Variants in ATG4C observed in about 807,000 individuals in gnomAD.
The protein encoded by ATG4C is autophagy related 4C cysteine peptidase, also known as cysteine protease ATG4C.
ATG4C carries 56 observed loss-of-function variants against 57.6 expected under a neutral mutation model. The observed-to-expected ratio is 0.97, with a 90% CI of 0.78 to 1.21. The LOEUF (loss-of-function observed/expected upper bound fraction) is 1.21. Ranked by LOEUF, ATG4C falls within the 50% of genes most tolerant of loss-of-function variation. ATG4C has a pLI of 0.00. For synonymous variants in ATG4C, 157 were observed against 174.1 expected (o/e 0.90, Z 0.78); for missense variants, 595 against 529.8 (o/e 1.12, Z -1.21).
At chr1:62,827,164 A>G (rs1217327252) in intron 6 of ATG4C, among the ~76,000 whole-genome samples, 2 of 152,094 alleles carry the variant, frequency 1.3e-5, no homozygotes, top group Admixed American at 1.3e-4. Flanking sequence ...GGTCTTTACA[A>G]TGGCTTTCAA....
intron 9 of ATG4C, among the ~76,000 whole-genome samples, chr1:62,837,600 G>A (rs2100341016): frequency 6.6e-6 from 1 of 152,204 alleles, no homozygotes; most frequent in East Asian, 1.9e-4. Context: ...AATTCCAAAT[G>A]TCAAATTTTA....
chr1:62,850,854 G>GTATGTATATATATA (rs1553230151), intron 10 of ATG4C, among the ~76,000 whole-genome samples: 1 of 84,118 alleles, frequency 1.2e-5, no homozygotes, highest in Non-Finnish European at 2.6e-5. Flanking sequence ...GTGTATGTAT[G>GTATGTATATATATA]TATATATATA....
At chr1:62,837,517 G>T (rs969442302) in intron 9 of ATG4C, among the ~76,000 whole-genome samples, 17 of 152,132 alleles carry the variant, frequency 1.1e-4, no homozygotes, top group African/African-American at 4.1e-4. Flanking sequence ...CCTCAAATGG[G>T]CTTTGGCAGT....
At chr1:62,848,638 G>A (rs1666399217) in intron 10 of ATG4C, among the ~76,000 whole-genome samples, 2 of 152,108 alleles carry the variant, frequency 1.3e-5, no homozygotes, top group Admixed American at 6.5e-5. Flanking sequence ...TGCCCCATTA[G>A]CCTTGAATAG....
chr1:62,815,065 A>G (rs539960972), intron 3 of ATG4C, among the ~76,000 whole-genome samples: 1 of 152,162 alleles, frequency 6.6e-6, no homozygotes, highest in Admixed American at 6.5e-5. Flanking sequence ...ACTCTTTCTC[A>G]AAAACTAAAA....
intron 10 of ATG4C, among the ~76,000 whole-genome samples, chr1:62,850,981 A>AT (rs1174997490): frequency 6.8e-6 from 1 of 147,906 alleles, no homozygotes; most frequent in African/African-American, 2.5e-5. Context: ...CAAGGGAAGG[A>AT]TTTTGTTGAT....
At chr1:62,818,424 A>G (rs1053690372) in intron 4 of ATG4C, among the ~76,000 whole-genome samples, 1 of 152,144 alleles carries the variant, frequency 6.6e-6, no homozygotes, top group African/African-American at 2.4e-5. Context: ...AAGCAGTCTG[A>G]TAATGAAATA....
In ATG4C at chr1:62,865,167, T is replaced by C. The variant is rs928681375; in HGVS notation, c.*1008T>C. The C allele has an allele frequency of 5.9e-5, 9 of 151,918 alleles. No homozygotes were observed. The highest frequency in any genetic ancestry group is 2.2e-4 in the African/African-American group (9 of 41,438). The allele number at this position is 151,918 out of a possible 1,614,324, so 9.4% of individuals were successfully genotyped here. The stretch of plus-strand genomic sequence containing the variant: ...TGTGAGAAGATAAAATGCTTTTGTT[T>C]TGGTTTTAATGTTGGGATTATTTTA... On this transcript the variant is annotated 3_prime_UTR_variant, in exon 11 of 11. Coordinates refer to ENST00000317868, the MANE Select transcript of ATG4C (RefSeq NM_032852.4).
chr1:62,830,708 T>A (rs886913459), intron 7 of ATG4C, among the ~76,000 whole-genome samples: 3 of 152,076 alleles, frequency 2.0e-5, no homozygotes, highest in African/African-American at 7.2e-5. Flanking sequence ...TTATTTATAT[T>A]TTTTTAAGGA....
At position 62,816,774 on chromosome 1, in the gene ATG4C, G is replaced by C. The variant is rs935199871; in HGVS notation, c.360G>C (p.Leu120Phe). Residue 120 changes from leucine (L) to phenylalanine (F), a missense_variant, in exon 4 of 11, where the codon TTG becomes TTC. Coordinates refer to ENST00000317868, the MANE Select transcript of ATG4C (RefSeq NM_032852.4). ...GCTLRTGQML[L>F]AQGLILHFLG... ...CATTGAGAACTGGCCAGATGCTCTT[G>C]GCTCAAGGACTCATACTACACTTTC... The C allele has an allele frequency of 6.2e-7, 1 of 1,609,130 alleles. No individual in the cohort carries two copies. The highest frequency in any genetic ancestry group is 1.7e-5 in the Admixed American group (1 of 59,436).
intron 6 of ATG4C, among the ~76,000 whole-genome samples, chr1:62,826,441 T>G (rs1403216008): frequency 6.7e-6 from 1 of 148,942 alleles, no homozygotes; most frequent in Non-Finnish European, 1.5e-5. Context: ...TTTCACCATG[T>G]AAGCCAGGAT....
intron 3 of ATG4C, among the ~76,000 whole-genome samples, chr1:62,811,301 A>G (rs182580643): frequency 1.6e-3 from 238 of 152,322 alleles, no homozygotes; most frequent in African/African-American, 5.5e-3. Flanking sequence ...TATTTTAACA[A>G]TGCTGAATCT....
intron 6 of ATG4C, among the ~76,000 whole-genome samples, chr1:62,822,981 C>G (rs906569011): frequency 7.2e-5 from 11 of 152,060 alleles, no homozygotes; most frequent in African/African-American, 2.7e-4. Context: ...ATGGTGAAAC[C>G]CTGTCACTAC....
chr1:62,804,233 C>T (rs990316096), intron 2 of ATG4C, among the ~76,000 whole-genome samples: 9 of 151,676 alleles, frequency 5.9e-5, no homozygotes, highest in Non-Finnish European at 1.0e-4. Context: ...ACTACAGGTG[C>T]GCACTACCAC....
intron 7 of ATG4C, 61 bp downstream of exon 7, chr1:62,829,237 G>T: frequency 6.4e-7 from 1 of 1,573,170 alleles, no homozygotes; most frequent in Admixed American, 1.9e-5. Context: ...AATATAGAAG[G>T]TTTGCAATTT....
chr1:62,803,788 TGGAGGCTACA>T lies in ATG4C; in HGVS notation c.6_15del (p.Ala3_?5). The T allele has an allele frequency of 6.3e-7, 1 of 1,599,236 alleles. No homozygotes were observed. Among genetic ancestry groups the T allele is most frequent in the Non-Finnish European group, 8.5e-7 (1 of 1,172,126 alleles). ...TGGCTTTTCCTTTAGAATTTGAATA[TGGAGGCTACA>T]GGAACAGATGAAGTTGACAAGCTAA... On this transcript the variant is annotated frameshift_variant and start_lost, in exon 2 of 11. Transcript: ENST00000317868. LOFTEE classifies it high-confidence loss of function.
intron 6 of ATG4C, among the ~76,000 whole-genome samples, chr1:62,822,230 A>G (rs2100322369): frequency 6.6e-6 from 1 of 152,286 alleles, no homozygotes; most frequent in Non-Finnish European, 1.5e-5. Flanking sequence ...ACTGATAACC[A>G]CCTAGTGTTT....
chr1:62,809,020 C>T (rs1222333495), intron 3 of ATG4C, among the ~76,000 whole-genome samples: 1 of 152,098 alleles, frequency 6.6e-6, no homozygotes, highest in African/African-American at 2.4e-5. Context: ...GCAGCCTTGA[C>T]CTCCCTGGGC....
Position 62,803,743 on chromosome 1 carries a change from A to T in ATG4C, c.-44A>T. 1.5e-6 allele frequency: 2 copies of T among 1,369,016 alleles called. No individual in the cohort carries two copies. The highest frequency in any genetic ancestry group is 2.0e-5 in the Admixed American group (1 of 49,518). 84.8% of individuals were successfully genotyped at this position (1,369,016 alleles called of 1,614,324 possible). A position where few individuals can be genotyped will look rare whatever the true frequency, so the allele number is the denominator to read the frequency against. Reference sequence around the variant, plus strand: ...GTCAGTATAAAAGATTAAACTCTACAGAAGAATGCAATCAAGTGATGGCTT... The same window carrying T: ...GTCAGTATAAAAGATTAAACTCTACTGAAGAATGCAATCAAGTGATGGCTT... On this transcript the variant is annotated 5_prime_UTR_variant, in exon 2 of 11. Coordinates refer to ENST00000317868, the MANE Select transcript of ATG4C (RefSeq NM_032852.4).
Sources: gnomAD v4.1 joint callset for allele counts (sites outside exome capture counted in the v4.1 genomes callset) on GRCh38, gnomAD v4.1.1 for gene constraint, MANE v1.5 for transcripts, NCBI Gene and HGNC (gene_info 2026-07-23, HGNC 2026-07-21) for gene names.